NOX3: variants seen among roughly 807,000 people sequenced by gnomAD.
NOX3 encodes NADPH oxidase 3, also known as NADPH oxidase catalytic subunit-like 3.
In NOX3, 74 loss-of-function variants were observed where a neutral mutation model predicts 76.7. The observed-to-expected ratio is 0.96, with a 90% CI of 0.80 to 1.17. The LOEUF (loss-of-function observed/expected upper bound fraction) is 1.17. NOX3 is among the 50% of genes most tolerant of loss of function. NOX3 has a pLI of 0.00. For synonymous variants in NOX3, 263 were observed against 261.1 expected (o/e 1.01, Z -0.07); for missense variants, 695 against 703.3 (o/e 0.99, Z 0.13).
chr6:155,395,518 A>G lies in NOX3; in HGVS notation c.*84T>C, dbSNP rs1322889820. ...TTCCCAACTGGGAGCTCATATCAACAGGCCGTCACAGGAATTCCTGGTGGA... is the reference window on the plus strand; with the variant it reads ...TTCCCAACTGGGAGCTCATATCAACGGGCCGTCACAGGAATTCCTGGTGGA... On this transcript the variant is annotated 3_prime_UTR_variant, in exon 14 of 14. Coordinates refer to ENST00000159060, the MANE Select transcript of NOX3 (RefSeq NM_015718.3). 1 of 152,212 alleles carries G rather than the reference A, an allele frequency of 6.6e-6. No individual in the cohort carries two copies. The highest frequency in any genetic ancestry group is 1.5e-5 in the Non-Finnish European group (1 of 68,020). The allele number at this position is 152,212 out of a possible 1,614,324, so 9.4% of individuals were successfully genotyped here. A position where few individuals can be genotyped will look rare whatever the true frequency, so the allele number is the denominator to read the frequency against.
intron 9 of NOX3, among the ~76,000 whole-genome samples, chr6:155,426,914 A>C (rs1378695620): frequency 1.3e-5 from 2 of 151,438 alleles, no homozygotes; most frequent in Non-Finnish European, 2.9e-5. Context: ...GTTAGCAAAA[A>C]GGATGAAAAC....
At chr6:155,442,036 G>A (rs1427125295) in intron 5 of NOX3, among the ~76,000 whole-genome samples, 11 of 152,126 alleles carry the variant, frequency 7.2e-5, no homozygotes, top group South Asian at 2.1e-4. Flanking sequence ...AGGCCGAGGT[G>A]GGCGGATCAC....
chr6:155,413,721 T>C (rs231940), intron 10 of NOX3, among the ~76,000 whole-genome samples: 51,298 of 151,966 alleles, frequency 0.34, 11,405 homozygotes, highest in African/African-American at 0.63. Flanking sequence ...CACCTATGCA[T>C]GACCCCCTCC....
At position 155,424,615 on chromosome 6, in the gene NOX3, C is replaced by A. The variant is rs576082662; in HGVS notation, c.1146-1759G>T. Among the ~76,000 whole-genome samples, 207 of 152,206 alleles carry A rather than the reference C, an allele frequency of 1.4e-3. 2 individuals are homozygous for A. Among genetic ancestry groups the A allele is most frequent in the African/African-American group, 4.8e-3 (198 of 41,508 alleles). On this transcript the variant is annotated intron_variant, in intron 9 of 13. Coordinates refer to ENST00000159060, the MANE Select transcript of NOX3 (RefSeq NM_015718.3). ...TAAATTATTCTATATGCCAGACTTC[C>A]TAATAATTCAAATGAACTCTCCTCA... is the stretch of plus-strand genomic sequence containing the variant.
rs1021531069 is a variant in NOX3 at position 155,443,483 on chromosome 6, A to T, written c.341-65T>A. 5 of 1,554,506 alleles carry T rather than the reference A, an allele frequency of 3.2e-6. No homozygotes were observed. In the Admixed American group the frequency reaches 9.1e-5, roughly 28 times the overall value. On this transcript the variant is annotated intron_variant, in intron 4 of 13. Coordinates refer to ENST00000159060, the MANE Select transcript of NOX3 (RefSeq NM_015718.3). ...TTGCTTTCTCCCTAGTTACTAAAAAATACAGTGTCTCTGTGCTCAAGTTTC... is the reference window on the plus strand; with the variant it reads ...TTGCTTTCTCCCTAGTTACTAAAAATTACAGTGTCTCTGTGCTCAAGTTTC...
intron 12 of NOX3, among the ~76,000 whole-genome samples, chr6:155,397,783 T>A (rs1779159011): frequency 6.6e-6 from 1 of 152,226 alleles, no homozygotes; most frequent in Non-Finnish European, 1.5e-5. Context: ...GCAATTTAAT[T>A]AATTTCTCCT....
intron 10 of NOX3, among the ~76,000 whole-genome samples, chr6:155,420,501 T>C (rs911108278): frequency 6.6e-6 from 1 of 152,176 alleles, no homozygotes; most frequent in African/African-American, 2.4e-5. Flanking sequence ...TTAAATATAT[T>C]ATGGCGTAGA....
intron 4 of NOX3, among the ~76,000 whole-genome samples, chr6:155,446,893 C>G (rs984423239): frequency 6.6e-6 from 1 of 152,078 alleles, no homozygotes; most frequent in Non-Finnish European, 1.5e-5. Flanking sequence ...TGAAGCTGTT[C>G]CCAATTTACA....
At chr6:155,452,482 T>G (rs942030158) in intron 4 of NOX3, among the ~76,000 whole-genome samples, 6 of 152,148 alleles carry the variant, frequency 3.9e-5, no homozygotes, top group African/African-American at 1.4e-4. Flanking sequence ...AGTTCTCAGG[T>G]TGGTTTAATC....
chr6:155,407,056 A>G, intron 12 of NOX3, 74 bp downstream of exon 12: 1 of 1,557,412 alleles, frequency 6.4e-7, no homozygotes, highest in Non-Finnish European at 8.8e-7. Context: ...CTGCAGATTA[A>G]CTTTTCACTC....
At chr6:155,413,130 A>G (rs563930585) in intron 10 of NOX3, among the ~76,000 whole-genome samples, 1 of 152,340 alleles carries the variant, frequency 6.6e-6, no homozygotes, top group East Asian at 1.9e-4. Context: ...ATGGATGGAC[A>G]TGAACCATCA....
intron 3 of NOX3, 62 bp downstream of exon 3, chr6:155,454,749 C>A: frequency 1.0e-6 from 1 of 961,416 alleles, no homozygotes; most frequent in Non-Finnish European, 1.6e-6. Context: ...CATTTTTTTT[C>A]AATGGCACTT....
chr6:155,402,319 T>G (rs1185015341), intron 12 of NOX3, among the ~76,000 whole-genome samples: 1 of 152,232 alleles, frequency 6.6e-6, no homozygotes, highest in Non-Finnish European at 1.5e-5. Context: ...ACTGAAATAC[T>G]ATACAATTTT....
chr6:155,455,141 AG>A lies in NOX3; in HGVS notation c.49-13del. 1.3e-6 allele frequency: 2 copies of A among 1,563,302 alleles called. No individual in the cohort carries two copies. The highest frequency in any genetic ancestry group is 1.8e-6 in the Non-Finnish European group (2 of 1,137,776). On this transcript the variant is annotated splice_polypyrimidine_tract_variant and intron_variant, in intron 1 of 13. Transcript: ENST00000159060. Reference sequence around the variant, plus strand: ...CCCAGCCATGAGAGCTAGAGTAGAAAGGAAAGAGAACCAATGATTACTACCT... The same window carrying A: ...CCCAGCCATGAGAGCTAGAGTAGAAAGAAAGAGAACCAATGATTACTACCT...
chr6:155,436,631 A>G lies in NOX3; in HGVS notation c.669-84T>C, dbSNP rs1776908230. The G allele has an allele frequency of 4.1e-6, 6 of 1,449,982 alleles. No individual in the cohort carries two copies. The Admixed American group carries it at 7.5e-5, about 18-fold the overall frequency. The allele number at this position is 1,449,982 out of a possible 1,614,324, so 89.8% of individuals were successfully genotyped here. A position where few individuals can be genotyped will look rare whatever the true frequency, so the allele number is the denominator to read the frequency against. ...AGCAGTCTTGTTCTCCCACAGGTAT[A>G]TATCCTACAGTGAGCTCTGAAATAT... On this transcript the variant is annotated intron_variant, in intron 6 of 13. Transcript: ENST00000159060.
At position 155,455,075 on chromosome 6, in the gene NOX3, C is replaced by T; in HGVS notation, c.103G>A (p.Glu35Lys). 6.2e-7 allele frequency: 1 copy of T among 1,613,494 alleles called. No individual in the cohort carries two copies. Residue 35 changes from glutamate to lysine, a missense_variant, in exon 2 of 14, where the codon GAA becomes AAA. By Grantham distance (56) the Glu-to-Lys change is moderately conservative (BLOSUM62 1). Transcript: ENST00000159060. ...YLFIDTFYWYEEEESFHYTRV... is the reference protein window; with the variant it reads ...YLFIDTFYWYKEEESFHYTRV... ...GTGTAATGGAAAGACTCCTCCTCTTCATACCAGTAGAACGTGTCAATAAAC... is the reference window on the plus strand; with the variant it reads ...GTGTAATGGAAAGACTCCTCCTCTTTATACCAGTAGAACGTGTCAATAAAC...
chr6:155,407,671 G>A (rs112916145), intron 11 of NOX3, among the ~76,000 whole-genome samples: 29 of 152,180 alleles, frequency 1.9e-4, no homozygotes, highest in Admixed American at 5.9e-4. Context: ...GAGTTGAGAA[G>A]GGCATTGCCA....
At chr6:155,414,839 G>A (rs538727684) in intron 10 of NOX3, among the ~76,000 whole-genome samples, 1 of 152,174 alleles carries the variant, frequency 6.6e-6, no homozygotes, top group South Asian at 2.1e-4. Flanking sequence ...TGTTGGCCAT[G>A]CTGGTCTCGA....
chr6:155,403,432 G>T (rs547282081), intron 12 of NOX3, among the ~76,000 whole-genome samples: 8 of 152,226 alleles, frequency 5.3e-5, no homozygotes, highest in African/African-American at 1.9e-4. Context: ...CCATGTTCTA[G>T]AGTCTAAGGC....
Sources: gnomAD v4.1 joint callset for allele counts (sites outside exome capture counted in the v4.1 genomes callset) on GRCh38, gnomAD v4.1.1 for gene constraint, MANE v1.5 for transcripts, NCBI Gene and HGNC (gene_info 2026-07-23, HGNC 2026-07-21) for gene names.